Variants in DENND5B observed in about 807,000 individuals in gnomAD.
The protein encoded by DENND5B is DENN domain containing 5B, also known as DENN domain-containing protein 5B.
DENND5B carries 34 observed loss-of-function variants against 140.6 expected under a neutral mutation model. The ratio of observed to expected loss-of-function variants is 0.24; its 90% confidence interval spans 0.18 to 0.32. The LOEUF is 0.32. DENND5B is among the 10% of genes least tolerant of loss of function. DENND5B has a pLI of 1.00. For synonymous variants in DENND5B, 551 were observed against 562.1 expected, an observed-to-expected ratio of 0.98 and a Z score of 0.28; for missense variants, 1,142 against 1,560.2, an observed-to-expected ratio of 0.73 and a Z score of 4.52.
intron 1 of DENND5B, among the ~76,000 whole-genome samples, chr12:31,526,208 G>A (rs1010457578): frequency 5.9e-5 from 9 of 152,038 alleles, no homozygotes; most frequent in Non-Finnish European, 1.2e-4. Flanking sequence ...TCACAAGGAG[G>A]AATTCGATAC....
intron 2 of DENND5B, among the ~76,000 whole-genome samples, chr12:31,487,251 T>G (rs1013968775): frequency 5.3e-5 from 8 of 152,208 alleles, no homozygotes; most frequent in Non-Finnish European, 7.3e-5. Flanking sequence ...TATGAATACC[T>G]GGATTTGGTA....
chr12:31,433,212 C>T lies in DENND5B; in HGVS notation c.2049G>A (p.Arg683=). Residue 683 remains arginine, a synonymous_variant, in exon 8 of 21, where the codon AGG becomes AGA. Transcript: ENST00000389082. Reference sequence around the variant, plus strand: ...CAGAATGCTGGCGAAGGCGTTCTTTCCTGCGCTGTGCAGTGGCACTCCGAC... The same window carrying T: ...CAGAATGCTGGCGAAGGCGTTCTTTTCTGCGCTGTGCAGTGGCACTCCGAC... ...WVSRSATAQR[R]KERLRQHSEH... The T allele has an allele frequency of 6.2e-7, 1 of 1,613,856 alleles. No individual in the cohort carries two copies. Among genetic ancestry groups the T allele is most frequent in the Non-Finnish European group, 8.5e-7 (1 of 1,179,842 alleles).
chr12:31,550,922 T>C (rs1300734899), intron 1 of DENND5B, among the ~76,000 whole-genome samples: 5 of 152,208 alleles, frequency 3.3e-5, no homozygotes, highest in Admixed American at 6.5e-5. Flanking sequence ...TGTTTTTTTC[T>C]TGTAAATTTG....
chr12:31,467,207 G>A (rs1591846766), intron 3 of DENND5B, among the ~76,000 whole-genome samples: 1 of 150,812 alleles, frequency 6.6e-6, no homozygotes. Flanking sequence ...TCAAAAACAA[G>A]GACAAAATAA....
At chr12:31,566,492 G>A (rs1270829379) in intron 1 of DENND5B, among the ~76,000 whole-genome samples, 2 of 151,940 alleles carry the variant, frequency 1.3e-5, no homozygotes, top group Non-Finnish European at 2.9e-5. Context: ...TCATAGGCTG[G>A]GCCCAGTAGC....
At chr12:31,540,752 T>C (rs1948658988) in intron 1 of DENND5B, among the ~76,000 whole-genome samples, 2 of 143,002 alleles carry the variant, frequency 1.4e-5, no homozygotes, top group Middle Eastern at 7.6e-3. Context: ...GCCAAAGCTA[T>C]CCTGAGGAAA....
At chr12:31,431,968 T>C in intron 8 of DENND5B, 5 of 719,854 alleles carry the variant, frequency 6.9e-6, no homozygotes, top group Non-Finnish European at 8.5e-6. Context: ...CACTCACACA[T>C]GTGTAACATT....
chr12:31,586,279 G>A (rs980068688), intron 1 of DENND5B, among the ~76,000 whole-genome samples: 22 of 152,052 alleles, frequency 1.4e-4, no homozygotes, highest in Non-Finnish European at 1.2e-4. Context: ...AAAGAATCTC[G>A]TTTTGAAACC....
intron 4 of DENND5B, among the ~76,000 whole-genome samples, chr12:31,458,504 G>A (rs1439739036): frequency 6.6e-6 from 1 of 152,174 alleles, no homozygotes; most frequent in Non-Finnish European, 1.5e-5. Context: ...AAGGAATAGA[G>A]AAAAGAGGTA....
chr12:31,518,085 A>C (rs1222487924), intron 1 of DENND5B, among the ~76,000 whole-genome samples: 19 of 152,158 alleles, frequency 1.2e-4, no homozygotes, highest in Non-Finnish European at 2.8e-4. Context: ...GCAGGGAAAG[A>C]GCTTTATAAA....
At chr12:31,530,329 T>C (rs1426385616) in intron 1 of DENND5B, among the ~76,000 whole-genome samples, 1 of 152,118 alleles carries the variant, frequency 6.6e-6, no homozygotes, top group Non-Finnish European at 1.5e-5. Context: ...GCCAAGATCG[T>C]GCCATTGCAC....
chr12:31,432,544 T>C (rs1028744476), intron 8 of DENND5B: 3 of 152,300 alleles, frequency 2.0e-5, no homozygotes, highest in African/African-American at 7.2e-5. Flanking sequence ...GCAGGAGCAC[T>C]GCTTGAGCCC....
intron 1 of DENND5B, among the ~76,000 whole-genome samples, chr12:31,580,136 C>A (rs914381756): frequency 6.6e-6 from 1 of 151,986 alleles, no homozygotes; most frequent in Non-Finnish European, 1.5e-5. Flanking sequence ...CTCTTTAGTA[C>A]AACCACTTTC....
chr12:31,432,075 G>A, intron 8 of DENND5B: 1 of 985,262 alleles, frequency 1.0e-6, no homozygotes, highest in Non-Finnish European at 1.2e-6. Context: ...TTTTTAGGAA[G>A]TCGTGCAGGA....
At chr12:31,576,156 A>AAAGAAG (rs67872805) in intron 1 of DENND5B, among the ~76,000 whole-genome samples, 2 of 131,184 alleles carry the variant, frequency 1.5e-5, no homozygotes, top group Admixed American at 8.0e-5. Flanking sequence ...AAAAAAAAAA[A>AAAGAAG]AAGAAGAATG....
At chr12:31,419,873 T>C (rs1008794456) in intron 11 of DENND5B, 6 of 307,938 alleles carry the variant, frequency 1.9e-5, no homozygotes, top group Non-Finnish European at 2.8e-5. Context: ...TTCAGGAGGC[T>C]GAGGCAGGAG....
intron 14 of DENND5B, among the ~76,000 whole-genome samples, chr12:31,406,862 T>A (rs2137481602): frequency 6.6e-6 from 1 of 151,670 alleles, no homozygotes; most frequent in Non-Finnish European, 1.5e-5. Context: ...GGCAGTGGTG[T>A]GATCTTGGCT....
At chr12:31,541,164 T>TA in intron 1 of DENND5B, 1 of 277,296 alleles carries the variant, frequency 3.6e-6, no homozygotes, top group South Asian at 3.2e-5. Flanking sequence ...ATTTCTTGAG[T>TA]AATACCCCAC....
At chr12:31,418,582 T>A (rs1170993291) in intron 11 of DENND5B, among the ~76,000 whole-genome samples, 1 of 151,722 alleles carries the variant, frequency 6.6e-6, no homozygotes, top group Admixed American at 6.6e-5. Flanking sequence ...GCATGAGCCA[T>A]CACACCCGGC....
Sources: gnomAD v4.1 joint callset for allele counts (sites outside exome capture counted in the v4.1 genomes callset) on GRCh38, gnomAD v4.1.1 for gene constraint, MANE v1.5 for transcripts, NCBI Gene and HGNC (gene_info 2026-07-23, HGNC 2026-07-21) for gene names.